RAD54L2: variants seen among roughly 807,000 people sequenced by gnomAD.
RAD54L2 encodes the protein RAD54 like 2.
RAD54L2 carries 27 observed loss-of-function variants against 138.4 expected under a neutral mutation model. That is an observed-to-expected ratio of 0.20 (90% CI 0.14 to 0.27). The LOEUF (loss-of-function observed/expected upper bound fraction) is 0.27, where lower values mean the gene tolerates loss of function less well. RAD54L2 is among the 10% of genes least tolerant of loss of function. The pLI is 1.00. For synonymous variants in RAD54L2, 644 were observed against 723.2 expected, an observed-to-expected ratio of 0.89 and a Z score of 1.76; for missense variants, 1,396 against 1,890.2, an observed-to-expected ratio of 0.74 and a Z score of 4.85.
chr3:51,598,149 A>ATGTGTG (rs778223606), intron 3 of RAD54L2, among the ~76,000 whole-genome samples: 35 of 128,440 alleles, frequency 2.7e-4, no homozygotes, highest in African/African-American at 6.1e-4. Context: ...GTATATATAT[A>ATGTGTG]TGTGTGTGTG....
At chr3:51,564,075 C>A (rs1699159557) in intron 2 of RAD54L2, among the ~76,000 whole-genome samples, 1 of 152,194 alleles carries the variant, frequency 6.6e-6, no homozygotes, top group South Asian at 2.1e-4. Context: ...GTATTTTAAT[C>A]CTGATGTTAA....
rs1257827828 is a variant in RAD54L2, at chr3:51,590,564, G to A, written c.139+5G>A. The stretch of plus-strand genomic sequence containing the variant: ...ATGAAGAAGACCTGCTGGATGGTAA[G>A]TGGGCTCTATTGAGTGACAGAAGTT... On this transcript the variant is annotated splice_donor_5th_base_variant and intron_variant, in intron 3 of 22. Transcript: ENST00000684192. The A allele has an allele frequency of 1.3e-6, 2 of 1,552,416 alleles. No homozygotes were observed. Among genetic ancestry groups the A allele is most frequent in the South Asian group, 2.4e-5 (2 of 84,060 alleles).
chr3:51,584,477 G>T (rs1419441315), intron 2 of RAD54L2, among the ~76,000 whole-genome samples: 5 of 152,114 alleles, frequency 3.3e-5, no homozygotes, highest in African/African-American at 1.2e-4. Flanking sequence ...ATGGAGGTTT[G>T]AAGTATGCAT....
intron 1 of RAD54L2, chr3:51,541,103 C>T (rs944791880): frequency 9.5e-5 from 14 of 146,962 alleles, no homozygotes; most frequent in African/African-American, 3.3e-4. Flanking sequence ...CTTTCATAAA[C>T]GAACATTTAT....
rs2106872848 is a variant in RAD54L2 at position 51,667,768 on chromosome 3, C to T, written c.*4348C>T. 1 of 152,358 alleles carries T rather than the reference C, an allele frequency of 6.6e-6. No individual in the cohort carries two copies. The highest frequency in any genetic ancestry group is 2.1e-4 in the South Asian group (1 of 4,834). The allele number at this position is 152,358 out of a possible 1,614,324, so 9.4% of individuals were successfully genotyped here. On this transcript the variant is annotated 3_prime_UTR_variant, in exon 23 of 23. Transcript: ENST00000684192. Reference sequence around the variant, plus strand: ...GGCTTTTCTGTGCTACTAGCTTAGCCCTAGGCCTTTTATGAATACCTGAGT... The same window carrying T: ...GGCTTTTCTGTGCTACTAGCTTAGCTCTAGGCCTTTTATGAATACCTGAGT...
chr3:51,549,787 A>G (rs1168857377), intron 2 of RAD54L2, among the ~76,000 whole-genome samples: 2 of 151,822 alleles, frequency 1.3e-5, no homozygotes, highest in African/African-American at 4.8e-5. Context: ...CAAAAAAAAA[A>G]AAAAAAAAGG....
At chr3:51,602,836 A>G (rs923533576) in intron 3 of RAD54L2, among the ~76,000 whole-genome samples, 6 of 152,152 alleles carry the variant, frequency 3.9e-5, no homozygotes, top group African/African-American at 1.2e-4. Flanking sequence ...GTCAGAAGGT[A>G]TAAGTGTTAT....
chr3:51,645,588 T>C lies in RAD54L2; in HGVS notation c.2657-3T>C. ...GACTTTCTTCATGTCTTTATCCTTC[T>C]AGATCGGGTGGTGGATGATCTAAAT... On this transcript the variant is annotated splice_region_variant and splice_polypyrimidine_tract_variant and intron_variant, in intron 17 of 22. Transcript: ENST00000684192. This position sits in a 1 kb window ranked among gnomAD's most constrained non-coding sequence, Gnocchi z 6.1. 1 of 1,608,006 alleles carries C rather than the reference T, an allele frequency of 6.2e-7. No individual in the cohort carries two copies. The highest frequency in any genetic ancestry group is 8.5e-7 in the Non-Finnish European group (1 of 1,177,192).
At chr3:51,579,661 A>G (rs1699563725) in intron 2 of RAD54L2, among the ~76,000 whole-genome samples, 1 of 152,184 alleles carries the variant, frequency 6.6e-6, no homozygotes, top group Non-Finnish European at 1.5e-5. Flanking sequence ...TACTAAGTCA[A>G]CTAGAAATGT....
At chr3:51,627,408 C>CT in intron 3 of RAD54L2, 145 bp from the exon 4 acceptor site, 1 of 734,878 alleles carries the variant, frequency 1.4e-6, no homozygotes, top group Non-Finnish European at 2.3e-6. Flanking sequence ...GATACATCCA[C>CT]TGATGTTCAG....
intron 3 of RAD54L2, among the ~76,000 whole-genome samples, chr3:51,592,054 GTTTTTTTTTTTTTTTTT>G (rs71084151): frequency 1.5e-5 from 1 of 66,872 alleles, no homozygotes; most frequent in Admixed American, 2.6e-4. Flanking sequence ...TGGTTTTGGT[GTTTTTTTTTTTTTTTTT>G]TTTTTTTTTT....
intron 3 of RAD54L2, among the ~76,000 whole-genome samples, chr3:51,610,391 G>A (rs546577844): frequency 2.0e-5 from 3 of 152,122 alleles, no homozygotes; most frequent in South Asian, 4.2e-4. Flanking sequence ...ATCACTTGAG[G>A]TCAGGAGTTT....
At chr3:51,599,721 C>A (rs1700039737) in intron 3 of RAD54L2, among the ~76,000 whole-genome samples, 1 of 138,504 alleles carries the variant, frequency 7.2e-6, no homozygotes, top group Admixed American at 7.7e-5. Flanking sequence ...CCCACCACAC[C>A]CAGCTAATTT....
chr3:51,647,378 A>T (rs1701307025), intron 19 of RAD54L2, among the ~76,000 whole-genome samples: 1 of 152,038 alleles, frequency 6.6e-6, no homozygotes, highest in African/African-American at 2.4e-5. Context: ...AATTAAAAAA[A>T]CTTTTTTGGC....
rs116977620 is a variant in RAD54L2, at chr3:51,578,919, G to A, written c.-54-11448G>A. Among the ~76,000 whole-genome samples, 18 of 152,268 alleles carry A rather than the reference G, an allele frequency of 1.2e-4. No homozygotes were observed. In the East Asian group the frequency reaches 1.7e-3, roughly 15 times the overall value. On this transcript the variant is annotated intron_variant, in intron 2 of 22. Transcript: ENST00000684192. ...CCAGGAAGAATGAGGTCACACGAACGAATTGAAGGTGGTAAATGTGGGGGA... is the reference window on the plus strand; with the variant it reads ...CCAGGAAGAATGAGGTCACACGAACAAATTGAAGGTGGTAAATGTGGGGGA...
At chr3:51,599,047 C>CAAGT (rs1559631113) in intron 3 of RAD54L2, among the ~76,000 whole-genome samples, 1 of 152,146 alleles carries the variant, frequency 6.6e-6, no homozygotes. Flanking sequence ...TGTGACTGAG[C>CAAGT]ACTTAAATGG....
chr3:51,592,223 C>T (rs1699855289), intron 3 of RAD54L2, among the ~76,000 whole-genome samples: 3 of 151,672 alleles, frequency 2.0e-5, no homozygotes, highest in Admixed American at 2.0e-4. Flanking sequence ...GCCACCATGC[C>T]TGGCTAATTT....
At position 51,664,096 on chromosome 3, in the gene RAD54L2, G is replaced by A. The variant is rs2106865340; in HGVS notation, c.*676G>A. On this transcript the variant is annotated 3_prime_UTR_variant, in exon 23 of 23. Coordinates refer to ENST00000684192, the MANE Select transcript of RAD54L2 (RefSeq NM_015106.4). ...ATGGAAGTCAGTTTGGTGGTTCATG[G>A]CACCTAGTGTGAACATCAGGGTGAG... 6.6e-6 allele frequency: 1 copy of A among 152,240 alleles called. No homozygotes were observed. Among genetic ancestry groups the A allele is most frequent in the Admixed American group, 6.5e-5 (1 of 15,290 alleles). 9.4% of individuals were successfully genotyped at this position (152,240 alleles called of 1,614,324 possible).
chr3:51,660,100 G>T lies in RAD54L2; in HGVS notation c.3391G>T (p.Gly1131Cys), dbSNP rs1159230510. The T allele has an allele frequency of 6.2e-7, 1 of 1,600,790 alleles. No individual in the cohort carries two copies. The highest frequency in any genetic ancestry group is 8.6e-7 in the Non-Finnish European group (1 of 1,169,084). ...TGGCAAACCAAAGGTTCCTGAAGAT[G>T]GTCGGATGGCTGCCTCAGGTGTGAT... Reference protein sequence around the residue: ...ATGKPKVPEDGRMAASGSQGP... With the variant: ...ATGKPKVPEDCRMAASGSQGP... The change falls in exon 22 of 23, where the codon GGT becomes TGT. Residue 1131 changes from glycine to cysteine, a missense_variant. Gly to Cys is a radical substitution (Grantham distance 159, BLOSUM62 -3). Transcript: ENST00000684192.
Sources: gnomAD v4.1 joint callset for allele counts (sites outside exome capture counted in the v4.1 genomes callset) on GRCh38, gnomAD v4.1.1 for gene constraint, Gnocchi (gnomAD v3.1) non-coding constraint, MANE v1.5 for transcripts, NCBI Gene and HGNC (gene_info 2026-07-23, HGNC 2026-07-21) for gene names.